Variants in MID2 observed in about 807,000 individuals in gnomAD.
The protein encoded by MID2 is probable E3 ubiquitin-protein ligase MID2.
MID2 carries 13 observed loss-of-function variants against 46.1 expected under a neutral mutation model. That is an observed-to-expected ratio of 0.28 (90% confidence interval 0.18 to 0.45). MID2 has a LOEUF of 0.45. Among genes scored for constraint, MID2 ranks in the 20% least tolerant of loss-of-function variants. MID2 has a pLI of 1.00. For missense variants in MID2, 431 were observed against 575.4 expected (o/e 0.75, Z 2.57); for synonymous variants, 199 against 212.3 (o/e 0.94, Z 0.55).
chrX:107,888,379 C>T (rs905659203), intron 3 of MID2, among the ~76,000 whole-genome samples: 5 of 112,076 alleles, frequency 4.5e-5, no homozygotes, highest in Admixed American at 2.8e-4. Flanking sequence ...CCTTTTGTTA[C>T]GTACCCAGTA....
intron 3 of MID2, among the ~76,000 whole-genome samples, chrX:107,855,372 CATAAT>C (rs748669546): frequency 4.9e-4 from 55 of 112,104 alleles, no homozygotes; most frequent in African/African-American, 1.7e-3. Flanking sequence ...CTTAAATGGA[CATAAT>C]AAAATAAAGA....
chrX:107,905,544 G>A lies in MID2; in HGVS notation c.991G>A (p.Val331Ile), dbSNP rs144599643. The A allele has an allele frequency of 1.2e-5, 14 of 1,206,145 alleles. No individual in the cohort carries two copies. The highest frequency in any genetic ancestry group is 2.3e-4 in the Middle Eastern group (1 of 4,363). The change falls in exon 5 of 10, where the codon GTC becomes ATC. Residue 331 changes from valine to isoleucine, a missense_variant. Val to Ile is a conservative substitution (Grantham distance 29, BLOSUM62 3). Transcript: ENST00000262843. ...NCRQCLERST[V>I]LINQAEHILK... is the part of the protein sequence containing the mutation. ...CCGCCAGTGTCTTGAACGGTCAACA[G>A]TCCTCATCAACCAAGCTGAGCATAT...
At chrX:107,871,983 T>A (rs1932078929) in intron 3 of MID2, among the ~76,000 whole-genome samples, 1 of 111,941 alleles carries the variant, frequency 8.9e-6, no homozygotes, top group Non-Finnish European at 1.9e-5. Context: ...GGGCAAGACC[T>A]TTGCCAGAGA....
intron 1 of MID2, among the ~76,000 whole-genome samples, chrX:107,836,531 G>A (rs1931209277): frequency 9.1e-6 from 1 of 110,205 alleles, no homozygotes; most frequent in African/African-American, 3.3e-5. Flanking sequence ...GATTATAGGC[G>A]TGAGCCACCA....
chrX:107,863,776 C>T (rs1385817605), intron 3 of MID2, among the ~76,000 whole-genome samples: 1 of 112,621 alleles, frequency 8.9e-6, no homozygotes, highest in African/African-American at 3.2e-5. Flanking sequence ...ACAACTATCA[C>T]CACAGCAGAT....
At chrX:107,883,254 G>A (rs977372608) in intron 3 of MID2, among the ~76,000 whole-genome samples, 7 of 111,286 alleles carry the variant, frequency 6.3e-5, no homozygotes, top group Non-Finnish European at 1.3e-4. Flanking sequence ...TAATGTAGGT[G>A]ACGGGTTGAT....
At chrX:107,909,918 G>A (rs1932870610) in intron 5 of MID2, among the ~76,000 whole-genome samples, 1 of 111,980 alleles carries the variant, frequency 8.9e-6, no homozygotes, top group African/African-American at 3.2e-5. Context: ...ACATTAATGG[G>A]TTGCAATGTG....
intron 8 of MID2, 98 bp from the exon 9 acceptor site, chrX:107,925,996 T>C: frequency 1.6e-6 from 1 of 613,404 alleles, no homozygotes; most frequent in Non-Finnish European, 2.6e-6. Context: ...GATCATGTTA[T>C]CGAGCATACC....
chrX:107,917,671 G>GC lies in MID2; in HGVS notation c.1369dup (p.Leu457ProfsTer9). 3 of 1,212,032 alleles carry GC rather than the reference G, an allele frequency of 2.5e-6. No homozygotes were observed. The highest frequency in any genetic ancestry group is 3.3e-6 in the Non-Finnish European group (3 of 895,615). ...ATCAGTAAGTCATGGTGTAGTTGGG[G>GC]CCTGTGGCCAGAGATAAGGAAATGT... On this transcript the variant is annotated frameshift_variant, in exon 7 of 10. Transcript: ENST00000262843. LOFTEE classifies it high-confidence loss of function.
At chrX:107,857,486 G>A (rs775171892) in intron 3 of MID2, among the ~76,000 whole-genome samples, 7 of 111,569 alleles carry the variant, frequency 6.3e-5, no homozygotes, top group Admixed American at 1.9e-4. Flanking sequence ...TCACCGTGTT[G>A]CCCAGGCTGG....
At chrX:107,900,046 C>T (rs1932783173) in intron 3 of MID2, among the ~76,000 whole-genome samples, 2 of 111,382 alleles carry the variant, frequency 1.8e-5, no homozygotes, top group African/African-American at 6.5e-5. Context: ...ACTTAAGGAC[C>T]CTGCTCTTCT....
chrX:107,847,510 C>A (rs1217858047), intron 2 of MID2, among the ~76,000 whole-genome samples: 1 of 111,598 alleles, frequency 9.0e-6, no homozygotes, highest in African/African-American at 3.3e-5. Context: ...GATTATACAC[C>A]ATGAAGAGAA....
intron 7 of MID2, among the ~76,000 whole-genome samples, chrX:107,918,535 C>T (rs1446103053): frequency 8.9e-6 from 1 of 111,966 alleles, no homozygotes; most frequent in African/African-American, 3.2e-5. Context: ...CCAACTAACC[C>T]CTTCAAATAG....
intron 5 of MID2, among the ~76,000 whole-genome samples, chrX:107,915,500 G>C (rs1226254066): frequency 9.1e-6 from 1 of 109,908 alleles, no homozygotes; most frequent in Non-Finnish European, 1.9e-5. Context: ...AGAGATTGCA[G>C]TGAACTGAGA....
At chrX:107,887,564 G>T (rs1932486789) in intron 3 of MID2, among the ~76,000 whole-genome samples, 1 of 111,692 alleles carries the variant, frequency 9.0e-6, no homozygotes, top group Non-Finnish European at 1.9e-5. Context: ...ATGTTCATCA[G>T]GGATATTGGT....
intron 5 of MID2, among the ~76,000 whole-genome samples, chrX:107,914,205 T>A (rs777053718): frequency 8.9e-6 from 1 of 112,431 alleles, no homozygotes; most frequent in South Asian, 3.7e-4. Flanking sequence ...ACTTTGTGTA[T>A]CTCCAGTGCC....
Position 107,841,279 on chromosome X carries a change from T to G in MID2, c.614T>G (p.Met205Arg). 8.3e-7 allele frequency: 1 copy of G among 1,211,047 alleles called. No homozygotes were observed. Among genetic ancestry groups the G allele is most frequent in the Non-Finnish European group, 1.1e-6 (1 of 895,123 alleles). ...GACCATGAGAATGAGAAAGTGAACA[T>G]GTACTGTGTATCTGATGACCAATTG... ...CLDHENEKVN[M>R]YCVSDDQLIC... The change falls in exon 2 of 10, where the codon ATG becomes AGG. Residue 205 changes from methionine (M) to arginine (R), a missense_variant. Met to Arg is a moderately conservative substitution (Grantham distance 91). Coordinates refer to ENST00000262843, the MANE Select transcript of MID2 (RefSeq NM_012216.4).
At chrX:107,869,865 GA>G (rs1347428442) in intron 3 of MID2, among the ~76,000 whole-genome samples, 1 of 108,991 alleles carries the variant, frequency 9.2e-6, no homozygotes, top group Non-Finnish European at 1.9e-5. Flanking sequence ...GGGTTTATCT[GA>G]GGCACTTATA....
chrX:107,916,718 T>G (rs1448338237), intron 6 of MID2, among the ~76,000 whole-genome samples: 1 of 112,837 alleles, frequency 8.9e-6, no homozygotes, highest in Non-Finnish European at 1.9e-5. Flanking sequence ...TTATTGAACA[T>G]CTACTTTATT....
Sources: allele counts gnomAD v4.1 joint callset (sites outside exome capture counted in the v4.1 genomes callset), GRCh38; gene constraint gnomAD v4.1.1; transcripts MANE v1.5; gene names NCBI Gene and HGNC (gene_info 2026-07-23, HGNC 2026-07-21).